The following R3HDM1 variants were observed in gnomAD, a reference collection of about 807,000 sequenced individuals.
The protein encoded by R3HDM1 is R3H domain-containing protein 1.
A neutral mutation model predicts 141.1 loss-of-function variants in R3HDM1; 46 were observed. The ratio of observed to expected loss-of-function variants is 0.33; its 90% confidence interval spans 0.26 to 0.42. The LOEUF (loss-of-function observed/expected upper bound fraction) is 0.42, where lower values mean the gene tolerates loss of function less well. Ranked by LOEUF, R3HDM1 falls within the 10% of genes least tolerant of loss-of-function variation. R3HDM1 has a pLI of 1.00. For synonymous variants in R3HDM1, 435 were observed against 472.9 expected, an observed-to-expected ratio of 0.92 and a Z score of 1.04; for missense variants, 1,184 against 1,368.3, an observed-to-expected ratio of 0.87 and a Z score of 2.12.
intron 18 of R3HDM1, among the ~76,000 whole-genome samples, chr2:135,658,847 T>G (rs1369446311): frequency 6.6e-6 from 1 of 152,116 alleles, no homozygotes; most frequent in Non-Finnish European, 1.5e-5. Context: ...AATTAAAAAC[T>G]AAGGTGCAAA....
At chr2:135,602,410 CAG>C in intron 1 of R3HDM1, 88 bp from the exon 2 acceptor site, 1 of 865,962 alleles carries the variant, frequency 1.2e-6, no homozygotes, top group Non-Finnish European at 1.5e-6. Flanking sequence ...AAACAACTGA[CAG>C]TAATATTTTT....
At chr2:135,575,430 C>G (rs1705180038) in intron 1 of R3HDM1, among the ~76,000 whole-genome samples, 1 of 152,222 alleles carries the variant, frequency 6.6e-6, no homozygotes, top group South Asian at 2.1e-4. Flanking sequence ...GATCCACCCG[C>G]CTGGCCTCCC....
At position 135,533,286 on chromosome 2, in the gene R3HDM1, A is replaced by G. The variant is rs372574108; in HGVS notation, c.-250+1653A>G. Among the ~76,000 whole-genome samples, 62 of 152,364 alleles carry G rather than the reference A, an allele frequency of 4.1e-4. 2 individuals are homozygous for G. In the South Asian group the frequency reaches 0.012, roughly 31 times the overall value. ...AGCAGAACATGGTCTCAAAAAAATA[A>G]AGAAATAAATACACAGCCTTGGAAG... On this transcript the variant is annotated intron_variant, in intron 1 of 26. Coordinates refer to ENST00000683871, the MANE Select transcript of R3HDM1 (RefSeq NM_001378107.1).
At chr2:135,622,191 A>G (rs114753229) in intron 6 of R3HDM1, 173 of 985,104 alleles carry the variant, frequency 1.8e-4, no homozygotes, top group Non-Finnish European at 2.0e-4. Flanking sequence ...AGACCTGACA[A>G]AAATCAAATT....
In R3HDM1 at chr2:135,724,987, CT is replaced by C. The variant is rs940171439; in HGVS notation, c.*706del. 3.7e-3 allele frequency: 548 copies of C among 147,828 alleles called. 2 individuals are homozygous for C. The highest frequency in any genetic ancestry group is 9.3e-3 in the African/African-American group (374 of 40,352). 9.2% of individuals were successfully genotyped at this position (147,828 alleles called of 1,614,324 possible). A position where few individuals can be genotyped will look rare whatever the true frequency, so the allele number is the denominator to read the frequency against. On this transcript the variant is annotated 3_prime_UTR_variant, in exon 27 of 27. Coordinates refer to ENST00000683871, the MANE Select transcript of R3HDM1 (RefSeq NM_001378107.1). ...CATTCTAAGCAGGAAAATACTTCCA[CT>C]TTTTTTTTTTCAAGTATCTCTCTAA...
chr2:135,581,539 C>CA (rs1313664554), intron 1 of R3HDM1: 1 of 428,428 alleles, frequency 2.3e-6, no homozygotes, highest in African/African-American at 2.2e-5. Flanking sequence ...CTCTCTATGA[C>CA]ATGTTAAGTT....
intron 3 of R3HDM1, among the ~76,000 whole-genome samples, chr2:135,607,630 C>A (rs762162402): frequency 2.0e-5 from 3 of 152,180 alleles, no homozygotes; most frequent in Non-Finnish European, 4.4e-5. Flanking sequence ...TAAAATACTT[C>A]ATTTTAGCCT....
intron 17 of R3HDM1, 117 bp from the exon 18 acceptor site, chr2:135,651,613 A>G (rs2065159693): frequency 7.3e-7 from 1 of 1,367,144 alleles, no homozygotes; most frequent in South Asian, 2.2e-5. Context: ...TTGTTGATAT[A>G]TATAATTTCC....
chr2:135,632,062 A>G (rs2062764553), intron 9 of R3HDM1, 61 bp downstream of exon 9: 1 of 1,277,784 alleles, frequency 7.8e-7, no homozygotes, highest in African/African-American at 1.6e-5. Flanking sequence ...TTATCTTTCT[A>G]TATTACCTTT....
chr2:135,641,976 T>G (rs562809314), intron 15 of R3HDM1, among the ~76,000 whole-genome samples, 186 bp downstream of exon 15: 1 of 152,310 alleles, frequency 6.6e-6, no homozygotes, highest in South Asian at 2.1e-4. Flanking sequence ...AGAAAGCATT[T>G]TTTTCCCCTT....
intron 19 of R3HDM1, among the ~76,000 whole-genome samples, chr2:135,662,123 G>T (rs1463966380): frequency 1.3e-5 from 2 of 152,120 alleles, no homozygotes; most frequent in Non-Finnish European, 2.9e-5. Context: ...GTTTAATAAG[G>T]TATTTATTCA....
chr2:135,622,584 CAT>C, intron 6 of R3HDM1, 68 bp from the exon 7 acceptor site: 2 of 1,486,662 alleles, frequency 1.3e-6, no homozygotes, highest in South Asian at 2.8e-5. Context: ...ATATATACAT[CAT>C]GTGTAAAAGG....
intron 25 of R3HDM1, 85 bp from the exon 26 acceptor site, chr2:135,722,384 G>C (rs1272423127): frequency 5.8e-6 from 8 of 1,390,984 alleles, no homozygotes; most frequent in Non-Finnish European, 8.0e-6. Flanking sequence ...CAAACTAAAG[G>C]TGTTTTGGTG....
chr2:135,689,951 G>A (rs543042104), intron 21 of R3HDM1, among the ~76,000 whole-genome samples: 3 of 152,022 alleles, frequency 2.0e-5, no homozygotes, highest in South Asian at 4.1e-4. Flanking sequence ...AATTCAAAAC[G>A]ATAATACCTT....
At chr2:135,597,712 T>C (rs895460593) in intron 1 of R3HDM1, among the ~76,000 whole-genome samples, 3 of 152,216 alleles carry the variant, frequency 2.0e-5, no homozygotes, top group African/African-American at 7.2e-5. Flanking sequence ...TTTTGGGCTT[T>C]GCCAAATTCT....
intron 3 of R3HDM1, among the ~76,000 whole-genome samples, chr2:135,610,043 T>TA (rs897672824): frequency 4.3e-4 from 64 of 147,606 alleles, no homozygotes; most frequent in African/African-American, 8.2e-4. Flanking sequence ...GACCCTGTCT[T>TA]AAAAAAAAAA....
chr2:135,683,969 C>CATAA lies in R3HDM1; in HGVS notation c.2459+3648_2459+3649insAATA, dbSNP rs1292272430. ...TGTCTCATAAATACATACATACATA[C>CATAA]ATACATACATACATACATACATACA... On this transcript the variant is annotated intron_variant, in intron 21 of 26. Coordinates refer to ENST00000683871, the MANE Select transcript of R3HDM1 (RefSeq NM_001378107.1). 2.2e-4 allele frequency among the ~76,000 whole-genome samples: 34 copies of CATAA among 152,024 alleles called. No homozygotes were observed. In the East Asian group the frequency reaches 6.0e-3, roughly 27 times the overall value.
chr2:135,534,014 T>C, intron 1 of R3HDM1: 1 of 985,364 alleles, frequency 1.0e-6, no homozygotes. Context: ...GCTGAGGGTG[T>C]TGTTGCAGCC....
chr2:135,701,255 T>C (rs1327424219), intron 21 of R3HDM1, among the ~76,000 whole-genome samples: 1 of 149,818 alleles, frequency 6.7e-6, no homozygotes, highest in South Asian at 2.1e-4. Context: ...CTATAAAAAT[T>C]AGCCAGGTGC....
Sources: gnomAD v4.1 joint callset for allele counts (sites outside exome capture counted in the v4.1 genomes callset) on GRCh38, gnomAD v4.1.1 for gene constraint, MANE v1.5 for transcripts, NCBI Gene and HGNC (gene_info 2026-07-23, HGNC 2026-07-21) for gene names.